Variants in DLG5 observed in about 807,000 individuals in gnomAD.
DLG5 encodes the protein discs large MAGUK scaffold protein 5, also known as disks large homolog 5.
Under a neutral mutation model 189.8 loss-of-function variants are expected in DLG5, and 48 were observed. That is an observed-to-expected ratio of 0.25 (90% CI 0.20 to 0.32). The LOEUF (loss-of-function observed/expected upper bound fraction) is 0.32, where lower values mean the gene tolerates loss of function less well. Among genes scored for constraint, DLG5 ranks in the 10% least tolerant of loss-of-function variants. The probability of loss-of-function intolerance (pLI) is 1.00; values close to 1 mark genes in which losing one functional copy is unlikely to be tolerated. For missense variants in DLG5, 2,160 were observed against 2,544.7 expected (o/e 0.85, Z 3.25); for synonymous variants, 1,016 against 1,054.1 (o/e 0.96, Z 0.70).
intron 27 of DLG5, among the ~76,000 whole-genome samples, chr10:77,801,379 G>C (rs549412320): frequency 1.3e-4 from 20 of 152,026 alleles, no homozygotes; most frequent in Admixed American, 2.6e-4. Flanking sequence ...AAAAAGAGTA[G>C]AAAACAACCA....
chr10:77,858,452 T>C (rs891842554), intron 2 of DLG5, among the ~76,000 whole-genome samples: 1 of 151,988 alleles, frequency 6.6e-6, no homozygotes, highest in Admixed American at 6.6e-5. Context: ...CTGGGCAACA[T>C]GGCGAAACCC....
At chr10:77,915,432 A>C (rs1046020078) in intron 1 of DLG5, among the ~76,000 whole-genome samples, 1 of 152,220 alleles carries the variant, frequency 6.6e-6, no homozygotes, top group African/African-American at 2.4e-5. Flanking sequence ...AGTTTCACAC[A>C]TTAATGTTTT....
rs932022004 is a variant in DLG5 at position 77,821,275 on chromosome 10, C to T, written c.3209G>A (p.Arg1070Lys). The change falls in exon 15 of 32, where the codon AGG becomes AAG. Residue 1070 changes from arginine to lysine, a missense_variant. Coordinates refer to ENST00000372391, the MANE Select transcript of DLG5 (RefSeq NM_004747.4). The stretch of plus-strand genomic sequence containing the variant: ...GTAGTAGCTGGAAGCAATGCGGACC[C>T]TGGCCTTGCGAGGGGGTGATGCGTG... ...PMHASPPRKA[R>K]VRIASSYYPE... 4 of 1,613,700 alleles carry T rather than the reference C, an allele frequency of 2.5e-6. No homozygotes were observed. The South Asian group carries it at 4.4e-5, about 18-fold the overall frequency.
At chr10:77,836,079 C>T (rs1260743618) in intron 7 of DLG5, among the ~76,000 whole-genome samples, 157 bp from the exon 8 acceptor site, 3 of 152,102 alleles carry the variant, frequency 2.0e-5, no homozygotes, top group South Asian at 2.1e-4. Context: ...CCAGTGACTG[C>T]ACCCCACAGC....
At chr10:77,854,143 C>T in intron 4 of DLG5, 84 bp downstream of exon 4, 2 of 1,525,840 alleles carry the variant, frequency 1.3e-6, no homozygotes, top group Non-Finnish European at 1.8e-6. Flanking sequence ...AACCAGAACC[C>T]CTGGCTACTA....
intron 1 of DLG5, among the ~76,000 whole-genome samples, chr10:77,875,648 C>T (rs964478401): frequency 3.3e-5 from 5 of 152,114 alleles, no homozygotes; most frequent in Admixed American, 2.0e-4. Context: ...AAGGAGGTGA[C>T]CGTGAAAGTT....
chr10:77,894,171 C>T (rs1845692072), intron 1 of DLG5, among the ~76,000 whole-genome samples: 1 of 152,152 alleles, frequency 6.6e-6, no homozygotes, highest in Non-Finnish European at 1.5e-5. Flanking sequence ...AAGGTATCTA[C>T]AAGGGGGGTC....
At position 77,822,049 on chromosome 10, in the gene DLG5, T is replaced by C; in HGVS notation, c.2435A>G (p.Lys812Arg). 2 of 1,614,126 alleles carry C rather than the reference T, an allele frequency of 1.2e-6. No individual in the cohort carries two copies. Among genetic ancestry groups the C allele is most frequent in the Non-Finnish European group, 1.7e-6 (2 of 1,179,984 alleles). ...WSGQNIFENI[K>R]DSDKMLSFRA... ...AAAACTCAGCATCTTATCAGAGTCT[T>C]TGATATTTTCAAAAATGTTCTGGCC... Residue 812 changes from lysine to arginine, a missense_variant, in exon 15 of 32, where the codon AAA becomes AGA. Around this residue, in one of 5 missense-constraint regions of DLG5, gnomAD observed 754 missense variants for 746.5 expected, o/e 1.01. Coordinates refer to ENST00000372391, the MANE Select transcript of DLG5 (RefSeq NM_004747.4).
chr10:77,923,360 G>A (rs1044046813), intron 1 of DLG5, among the ~76,000 whole-genome samples: 13 of 152,134 alleles, frequency 8.5e-5, no homozygotes, highest in African/African-American at 2.7e-4. Flanking sequence ...AGCCAGAGCC[G>A]CTCTCTTATG....
intron 2 of DLG5, chr10:77,868,855 T>G: frequency 2.1e-6 from 1 of 478,492 alleles, no homozygotes; most frequent in South Asian, 2.2e-5. Context: ...GGGGTGGGGA[T>G]GGTGGGTCAA....
At chr10:77,928,175 C>G (rs1277130217), upstream of DLG5, 1 of 152,248 alleles carries the variant, frequency 6.6e-6, no homozygotes, top group Non-Finnish European at 1.5e-5. Flanking sequence ...ATAATCCTTG[C>G]TGATCTGTTT....
In DLG5 at chr10:77,792,241, CAG is replaced by C. The variant is rs1246205230; in HGVS notation, c.*197_*198del. ...TGTTAAAGCACACGTGTGACACGGG[CAG>C]AGTGTGTGGGCCTGGGCCTGGATCG... is the stretch of plus-strand genomic sequence containing the variant. On this transcript the variant is annotated 3_prime_UTR_variant, in exon 32 of 32. Coordinates refer to ENST00000372391, the MANE Select transcript of DLG5 (RefSeq NM_004747.4). The C allele has an allele frequency of 1.6e-6, 1 of 608,186 alleles. No homozygotes were observed. Among genetic ancestry groups the C allele is most frequent in the Non-Finnish European group, 2.9e-6 (1 of 342,480 alleles). 37.7% of individuals were successfully genotyped at this position (608,186 alleles called of 1,614,324 possible).
In DLG5 at chr10:77,791,238, C is replaced by A. The variant is rs1321082692; in HGVS notation, c.*1202G>T. ...TATTAAAATATAGGTCCTACCCCAA[C>A]GACACTTACACAGAGCCCAGTACAG... On this transcript the variant is annotated 3_prime_UTR_variant, in exon 32 of 32. Coordinates refer to ENST00000372391, the MANE Select transcript of DLG5 (RefSeq NM_004747.4). 1 of 152,394 alleles carries A rather than the reference C, an allele frequency of 6.6e-6. No individual in the cohort carries two copies. Among genetic ancestry groups the A allele is most frequent in the Non-Finnish European group, 1.5e-5 (1 of 68,006 alleles). 9.4% of individuals were successfully genotyped at this position (152,394 alleles called of 1,614,324 possible).
chr10:77,847,333 C>T (rs1454526962), intron 5 of DLG5, among the ~76,000 whole-genome samples: 1 of 152,082 alleles, frequency 6.6e-6, no homozygotes, highest in Non-Finnish European at 1.5e-5. Flanking sequence ...TCGTGCTCAC[C>T]GGGAGCTACT....
In DLG5 at chr10:77,796,581, C is replaced by A. The variant is rs1840934066; in HGVS notation, c.5178G>T (p.Leu1726=). The part of the protein sequence containing the change: ...SIPLFEDSVS[L]AYQRVQKVDC... ...CCACCTTCTGGACCCGCTGATAGGC[C>A]AGGCTCACCGAATCTGAGGGAGAGA... The change falls in exon 28 of 32, where the codon CTG becomes CTT. Residue 1726 remains leucine, a synonymous_variant. Transcript: ENST00000372391. The surrounding 1 kb of genome is among the most constrained non-coding windows in gnomAD (Gnocchi z 5.2). 1.2e-6 allele frequency: 2 copies of A among 1,613,858 alleles called. No homozygotes were observed.
chr10:77,834,099 T>TCCCCCTTCCC (rs1843008664), intron 8 of DLG5, 60 bp from the exon 9 acceptor site: 1 of 1,568,752 alleles, frequency 6.4e-7, no homozygotes, highest in African/African-American at 1.3e-5. Flanking sequence ...GGGTTCCTGG[T>TCCCCCTTCCC]CTGCAGCGGA....
chr10:77,812,096 G>A, intron 21 of DLG5, 39 bp from the exon 22 acceptor site: 1 of 1,604,128 alleles, frequency 6.2e-7, no homozygotes, highest in Non-Finnish European at 8.5e-7. Context: ...GGGGGGTCGG[G>A]GCTGTGGACA....
At position 77,792,490 on chromosome 10, in the gene DLG5, C is replaced by T. The variant is rs140994758; in HGVS notation, c.5710G>A (p.Val1904Ile). The change falls in exon 32 of 32, where the codon GTC (valine) becomes ATC (isoleucine). Residue 1904 changes from valine (V) to isoleucine (I), a missense_variant. By Grantham distance (29) the Val-to-Ile change is conservative (BLOSUM62 3). This residue lies in a region of DLG5 where 574 missense variants were observed against 644.2 expected (regional missense o/e 0.89). Transcript: ENST00000372391. ...SSICTQILAM[V>I]NQEQNKVLWI... ...AGGACTTTATTTTGTTCTTGATTGA[C>T]CATTGCCAAGATCTGAGTGCAAATG... is the stretch of plus-strand genomic sequence containing the variant. The T allele has an allele frequency of 2.9e-4, 471 of 1,614,178 alleles. 2 individuals are homozygous for T. In the East Asian group the frequency reaches 8.9e-3, roughly 31 times the overall value.
intron 1 of DLG5, among the ~76,000 whole-genome samples, chr10:77,910,767 T>G (rs1485990885): frequency 6.6e-6 from 1 of 152,094 alleles, no homozygotes; most frequent in Non-Finnish European, 1.5e-5. Context: ...AAGTCAGAGT[T>G]TGAGATCAGC....
Sources: allele counts gnomAD v4.1 joint callset (sites outside exome capture counted in the v4.1 genomes callset), GRCh38; gene constraint gnomAD v4.1.1; regional missense constraint gnomAD v4.1.1; non-coding constraint Gnocchi (gnomAD v3.1); transcripts MANE v1.5; gene names NCBI Gene and HGNC (gene_info 2026-07-23, HGNC 2026-07-21).